ST6GALNAC3: variants seen among roughly 807,000 people sequenced by gnomAD.
The protein encoded by ST6GALNAC3 is alpha-N-acetylgalactosaminide alpha-2,6-sialyltransferase 3.
Under a neutral mutation model 32.7 loss-of-function variants are expected in ST6GALNAC3, and 25 were observed. The ratio of observed to expected loss-of-function variants is 0.76; its 90% CI spans 0.56 to 1.07. The LOEUF (loss-of-function observed/expected upper bound fraction) is 1.07, where lower values mean the gene tolerates loss of function less well. Among genes scored for constraint, ST6GALNAC3 ranks in the 50% least tolerant of loss-of-function variants. ST6GALNAC3 has a pLI of 0.00. For synonymous variants in ST6GALNAC3, 129 were observed against 133.1 expected (o/e 0.97, Z 0.21); for missense variants, 355 against 382.4 (o/e 0.93, Z 0.60).
At chr1:76,496,202 T>C (rs1055923976) in intron 3 of ST6GALNAC3, among the ~76,000 whole-genome samples, 4 of 152,140 alleles carry the variant, frequency 2.6e-5, no homozygotes, top group African/African-American at 9.7e-5. Context: ...TTCAAAACTG[T>C]AAGTCCACTG....
At chr1:76,217,880 GTATA>G (rs942399721) in intron 1 of ST6GALNAC3, among the ~76,000 whole-genome samples, 1 of 152,044 alleles carries the variant, frequency 6.6e-6, no homozygotes, top group Non-Finnish European at 1.5e-5. Flanking sequence ...GTATTCTATG[GTATA>G]TATATACCAC....
intron 2 of ST6GALNAC3, among the ~76,000 whole-genome samples, chr1:76,360,289 T>A (rs115785620): frequency 2.1e-3 from 325 of 152,288 alleles, no homozygotes; most frequent in African/African-American, 7.2e-3. Flanking sequence ...TATCCTTCTT[T>A]TTTTCATTCA....
chr1:76,577,208 A>T, intron 3 of ST6GALNAC3: 3 of 1,009,882 alleles, frequency 3.0e-6, no homozygotes, highest in Non-Finnish European at 3.6e-6. Context: ...ATCAAAGCAA[A>T]ACTTGTTCTT....
chr1:76,176,589 C>T (rs909549325), intron 1 of ST6GALNAC3, among the ~76,000 whole-genome samples: 3 of 152,188 alleles, frequency 2.0e-5, no homozygotes, highest in African/African-American at 7.2e-5. Context: ...CTTATAGATA[C>T]ACCTGAGGAT....
At chr1:76,289,406 T>C (rs12125121) in intron 1 of ST6GALNAC3, among the ~76,000 whole-genome samples, 47,764 of 152,146 alleles carry the variant, frequency 0.31, 8,585 homozygotes, top group Non-Finnish European at 0.41. Context: ...CGATTACTCA[T>C]GTTTTTAAAG....
intron 3 of ST6GALNAC3, among the ~76,000 whole-genome samples, chr1:76,488,846 C>G (rs2101684005): frequency 6.6e-6 from 1 of 152,306 alleles, no homozygotes; most frequent in Non-Finnish European, 1.5e-5. Context: ...AGCCTGTGTT[C>G]TCTTTCACGC....
Position 76,412,258 on chromosome 1 carries a change from G to A in ST6GALNAC3, c.464G>A (p.Trp155Ter). The A allele has an allele frequency of 6.2e-7, 1 of 1,613,514 alleles. No homozygotes were observed. The highest frequency in any genetic ancestry group is 2.2e-5 in the East Asian group (1 of 44,860). ...KEANTTIYVI[W>*]GPFRNMRKDG... The stretch of plus-strand genomic sequence containing the variant: ...GCGAATACTACTATTTATGTTATTT[G>A]GGGACCTTTCCGCAATATGAGGAAA... The change falls in exon 3 of 5, where the codon TGG becomes TAG. Residue 155 changes from tryptophan to a stop codon, truncating the protein, a stop_gained. Coordinates refer to ENST00000328299, the MANE Select transcript of ST6GALNAC3 (RefSeq NM_152996.4). LOFTEE classifies it high-confidence loss of function.
intron 1 of ST6GALNAC3, among the ~76,000 whole-genome samples, chr1:76,193,986 C>T (rs1654053929): frequency 6.6e-6 from 1 of 152,150 alleles, no homozygotes; most frequent in East Asian, 1.9e-4. Context: ...CTAATATAGC[C>T]ACACTGGAGG....
At chr1:76,318,973 T>C (rs1420362349) in intron 2 of ST6GALNAC3, among the ~76,000 whole-genome samples, 2 of 152,144 alleles carry the variant, frequency 1.3e-5, no homozygotes, top group African/African-American at 4.8e-5. Context: ...AGGGACTCAG[T>C]CATTGTGTTG....
intron 2 of ST6GALNAC3, among the ~76,000 whole-genome samples, chr1:76,336,991 G>C (rs1395833874): frequency 6.6e-6 from 1 of 152,222 alleles, no homozygotes; most frequent in Non-Finnish European, 1.5e-5. Flanking sequence ...TGCGCTGCCA[G>C]AGTGGAGACA....
At chr1:76,360,154 T>A (rs1433290307) in intron 2 of ST6GALNAC3, among the ~76,000 whole-genome samples, 1 of 152,144 alleles carries the variant, frequency 6.6e-6, no homozygotes, top group East Asian at 1.9e-4. Flanking sequence ...GGGAAAGAGC[T>A]TTTAATCAAC....
intron 2 of ST6GALNAC3, among the ~76,000 whole-genome samples, chr1:76,325,661 G>A (rs769561534): frequency 5.4e-5 from 8 of 149,248 alleles, no homozygotes; most frequent in Non-Finnish European, 1.0e-4. Flanking sequence ...GCATGCCCCC[G>A]GAATGGTAGA....
At chr1:76,318,393 G>A (rs541620777) in intron 2 of ST6GALNAC3, among the ~76,000 whole-genome samples, 88 of 152,200 alleles carry the variant, frequency 5.8e-4, no homozygotes, top group African/African-American at 2.1e-3. Context: ...GAAGTCTTGA[G>A]AAGCAGGGAA....
intron 3 of ST6GALNAC3, among the ~76,000 whole-genome samples, chr1:76,415,842 A>G (rs1654582924): frequency 6.6e-6 from 1 of 152,122 alleles, no homozygotes; most frequent in Non-Finnish European, 1.5e-5. Flanking sequence ...GGTAGTATGT[A>G]AACAATATAT....
At chr1:76,358,116 A>C (rs1291762425) in intron 2 of ST6GALNAC3, among the ~76,000 whole-genome samples, 1 of 152,024 alleles carries the variant, frequency 6.6e-6, no homozygotes. Flanking sequence ...GAATCTCTCC[A>C]TCTCTTTTGC....
At chr1:76,422,763 A>T (rs1318380003) in intron 3 of ST6GALNAC3, among the ~76,000 whole-genome samples, 1 of 152,032 alleles carries the variant, frequency 6.6e-6, no homozygotes, top group Non-Finnish European at 1.5e-5. Context: ...GTCACATTCA[A>T]TTATTTTGAA....
Position 76,627,410 on chromosome 1 carries a change from T to C in ST6GALNAC3, c.624-42T>C, listed in dbSNP as rs370382640. ...CTTATTGTTCTGTGTGTGTGTTCTG[T>C]GTTTTGTTCTGTTTGTTATTGTTTG... is the stretch of plus-strand genomic sequence containing the variant. On this transcript the variant is annotated intron_variant, in intron 3 of 4. Coordinates refer to ENST00000328299, the MANE Select transcript of ST6GALNAC3 (RefSeq NM_152996.4). 1.0e-5 allele frequency: 13 copies of C among 1,268,788 alleles called. No homozygotes were observed. The African/African-American group carries it at 1.8e-4, about 17-fold the overall frequency. 78.6% of individuals were successfully genotyped at this position (1,268,788 alleles called of 1,614,324 possible).
At chr1:76,372,007 A>G (rs1333772664) in intron 2 of ST6GALNAC3, among the ~76,000 whole-genome samples, 9 of 152,178 alleles carry the variant, frequency 5.9e-5, no homozygotes, top group African/African-American at 2.2e-4. Context: ...CTACCTTTGC[A>G]AACATTTAAC....
chr1:76,610,437 G>T (rs1647847906), intron 3 of ST6GALNAC3, among the ~76,000 whole-genome samples: 1 of 152,094 alleles, frequency 6.6e-6, no homozygotes, highest in Non-Finnish European at 1.5e-5. Context: ...AAGCATCAAA[G>T]TTAGGTCAGG....
Sources: gnomAD v4.1 joint callset for allele counts (sites outside exome capture counted in the v4.1 genomes callset) on GRCh38, gnomAD v4.1.1 for gene constraint, MANE v1.5 for transcripts, NCBI Gene and HGNC (gene_info 2026-07-23, HGNC 2026-07-21) for gene names.